The following TNN variants were observed in gnomAD, a reference collection of about 807,000 sequenced individuals.
TNN encodes the protein tenascin N, also known as tenascin-N.
In TNN, 122 loss-of-function variants were observed where a neutral mutation model predicts 134.4. The observed-to-expected ratio is 0.91, with a 90% CI of 0.78 to 1.06. The LOEUF (loss-of-function observed/expected upper bound fraction) is 1.06, where lower values mean the gene tolerates loss of function less well. TNN is among the 50% of genes least tolerant of loss of function. The probability of loss-of-function intolerance (pLI) is 0.00; values close to 1 mark genes in which losing one functional copy is unlikely to be tolerated. For synonymous variants in TNN, 710 were observed against 670.3 expected (o/e 1.06, Z -0.91); for missense variants, 1,739 against 1,699.4 (o/e 1.02, Z -0.41).
chr1:175,075,078 C>T (rs1574137835), intron 1 of TNN, among the ~76,000 whole-genome samples: 1 of 152,236 alleles, frequency 6.6e-6, no homozygotes, highest in Admixed American at 6.5e-5. Flanking sequence ...TGCGTAGCAG[C>T]AACTCAGTAA....
At chr1:175,144,309 C>A (rs1676008704) in intron 17 of TNN, 78 bp from the exon 18 acceptor site, 1 of 1,410,648 alleles carries the variant, frequency 7.1e-7, no homozygotes. Flanking sequence ...GCCTAGAGAT[C>A]TTCCTGCTGG....
chr1:175,075,881 G>C (rs1674027968), intron 1 of TNN, among the ~76,000 whole-genome samples: 1 of 152,182 alleles, frequency 6.6e-6, no homozygotes, highest in Non-Finnish European at 1.5e-5. Context: ...CGGGCAGGGA[G>C]AGCCTGTGCT....
chr1:175,118,369 T>A (rs1675240223), intron 10 of TNN, among the ~76,000 whole-genome samples, 192 bp from the exon 11 acceptor site: 1 of 152,142 alleles, frequency 6.6e-6, no homozygotes, highest in Non-Finnish European at 1.5e-5. Context: ...TCTATTGTGC[T>A]TTCTACTTGA....
intron 15 of TNN, among the ~76,000 whole-genome samples, chr1:175,131,105 A>G (rs1422535714): frequency 2.0e-5 from 3 of 152,152 alleles, no homozygotes; most frequent in Middle Eastern, 3.2e-3. Context: ...TCTCTGTTTT[A>G]TTGAGCTTTC....
chr1:175,127,906 G>A (rs146123919), intron 13 of TNN, 126 bp from the exon 14 acceptor site: 3 of 1,187,714 alleles, frequency 2.5e-6, no homozygotes, highest in East Asian at 2.4e-5. Context: ...TGAGGCTTCG[G>A]AGAGACAAAA....
intron 9 of TNN, among the ~76,000 whole-genome samples, chr1:175,102,176 C>T (rs555806584): frequency 2.3e-4 from 34 of 145,474 alleles, no homozygotes; most frequent in African/African-American, 8.5e-4. Flanking sequence ...TGTTTACAAT[C>T]CCTGAGCTAG....
intron 6 of TNN, among the ~76,000 whole-genome samples, chr1:175,091,607 T>A (rs951361347): frequency 1.4e-5 from 2 of 142,998 alleles, no homozygotes; most frequent in Admixed American, 7.2e-5. Context: ...TTATTTATTT[T>A]GAGACTGAGT....
intron 11 of TNN, among the ~76,000 whole-genome samples, chr1:175,119,141 A>T (rs928603633): frequency 6.6e-6 from 1 of 152,214 alleles, no homozygotes; most frequent in Non-Finnish European, 1.5e-5. Flanking sequence ...GTTTATTAGG[A>T]AAGTAAAGGA....
At chr1:175,123,274 C>G (rs909052243) in intron 11 of TNN, 126 bp from the exon 12 acceptor site, 2 of 1,149,970 alleles carry the variant, frequency 1.7e-6, no homozygotes, top group Admixed American at 2.3e-5. Flanking sequence ...GCCTTTGACT[C>G]GTGTTTTAAG....
chr1:175,141,597 GAC>G (rs1675946785), intron 17 of TNN, among the ~76,000 whole-genome samples: 1 of 152,182 alleles, frequency 6.6e-6, no homozygotes, highest in South Asian at 2.1e-4. Flanking sequence ...TCAAGGTTCT[GAC>G]ACACACTACT....
intron 3 of TNN, 134 bp from the exon 4 acceptor site, chr1:175,080,029 C>A: frequency 8.3e-7 from 1 of 1,206,702 alleles, no homozygotes; most frequent in Non-Finnish European, 1.2e-6. Flanking sequence ...ATAATAACTT[C>A]TAGGGGTCGG....
chr1:175,125,834 CTTTTTT>C (rs1471071318), intron 12 of TNN, among the ~76,000 whole-genome samples: 2 of 3,292 alleles, frequency 6.1e-4, no homozygotes, highest in Non-Finnish European at 1.3e-3. Flanking sequence ...TTCTTTCTTT[CTTTTTT>C]CTTTTTCTTT....
intron 12 of TNN, among the ~76,000 whole-genome samples, chr1:175,125,659 T>G (rs2101841857): frequency 7.7e-6 from 1 of 129,662 alleles, no homozygotes; most frequent in Middle Eastern, 4.0e-3. Flanking sequence ...CCTTCCTTCC[T>G]TCCTTCTCTC....
chr1:175,086,625 G>A (rs1367961640), intron 6 of TNN, among the ~76,000 whole-genome samples: 1 of 152,192 alleles, frequency 6.6e-6, no homozygotes, highest in Non-Finnish European at 1.5e-5. Context: ...GCTGGTTATG[G>A]TGGTGAGAAT....
rs191237513 is a variant in TNN at position 175,087,652 on chromosome 1, G to A, written c.1324+2158G>A. On this transcript the variant is annotated intron_variant, in intron 6 of 18. Transcript: ENST00000239462. ...GGAAGTGATTTTTCCCCATACACCAGGGAGTTTTCCATCGGACACAAACTG... is the reference window on the plus strand; with the variant it reads ...GGAAGTGATTTTTCCCCATACACCAAGGAGTTTTCCATCGGACACAAACTG... Among the ~76,000 whole-genome samples the A allele has an allele frequency of 8.2e-4, 125 of 152,264 alleles. 1 individual carries two copies. Among genetic ancestry groups the A allele is most frequent in the African/African-American group, 2.9e-3 (121 of 41,556 alleles).
intron 11 of TNN, among the ~76,000 whole-genome samples, chr1:175,120,414 A>G (rs1558366897): frequency 6.6e-6 from 1 of 152,236 alleles, no homozygotes; most frequent in Non-Finnish European, 1.5e-5. Flanking sequence ...AAACACTCAA[A>G]TAACAGTTGC....
chr1:175,096,233 G>A lies in TNN; in HGVS notation c.1589-1184G>A, dbSNP rs1382126369. On this transcript the variant is annotated intron_variant, in intron 7 of 18. Transcript: ENST00000239462. Reference sequence around the variant, plus strand: ...ACACCTGAACAAAGCCTGGAAGGACGGGTGGGAGTTAGCAGTGGAGGCAGC... The same window carrying A: ...ACACCTGAACAAAGCCTGGAAGGACAGGTGGGAGTTAGCAGTGGAGGCAGC... 5.3e-5 allele frequency among the ~76,000 whole-genome samples: 8 copies of A among 152,354 alleles called. No homozygotes were observed. The East Asian group carries it at 1.3e-3, about 26-fold the overall frequency.
rs199995910 is a variant in TNN, at chr1:175,117,081, G to A, written c.2262G>A (p.Pro754=). ...SAKDGETREV[P]VGKEQSSTVL... ...AGGACGGAGAGACCAGGGAGGTTCC[G>A]GTGGGGAAGGAGCAGAGTAGCACTG... The change falls in exon 10 of 19, where the codon CCG becomes CCA. Residue 754 remains proline (P), a synonymous_variant. Transcript: ENST00000239462. 5.7e-5 allele frequency: 92 copies of A among 1,614,250 alleles called. No homozygotes were observed. The East Asian group carries it at 9.1e-4, about 16-fold the overall frequency.
intron 15 of TNN, among the ~76,000 whole-genome samples, chr1:175,131,822 A>G (rs1040376193): frequency 2.0e-5 from 3 of 151,986 alleles, no homozygotes; most frequent in African/African-American, 4.8e-5. Flanking sequence ...CAAAGACACA[A>G]CTAGTAAGTA....
Sources: allele counts gnomAD v4.1 joint callset (sites outside exome capture counted in the v4.1 genomes callset), GRCh38; gene constraint gnomAD v4.1.1; transcripts MANE v1.5; gene names NCBI Gene and HGNC (gene_info 2026-07-23, HGNC 2026-07-21).